Variants in APC observed in about 807,000 individuals in gnomAD.
APC encodes APC regulator of Wnt signaling pathway.
A neutral mutation model predicts 247.0 loss-of-function variants in APC; 72 were observed. The observed-to-expected ratio is 0.29, with a 90% confidence interval of 0.24 to 0.35. The LOEUF is 0.35. APC is among the 10% of genes least tolerant of loss of function. The pLI is 1.00. For missense variants in APC, 3,400 were observed against 3,360.7 expected, an observed-to-expected ratio of 1.01 and a Z score of -0.29; for synonymous variants, 1,254 against 1,162.5, an observed-to-expected ratio of 1.08 and a Z score of -1.60.
rs1193656466 is a variant in APC at position 112,840,001 on chromosome 5, A to T, written c.4407A>T (p.Gln1469His). ...AAAAGAGAGAGAGTGGACCTAAGCA[A>T]GCTGCAGTAAATGCTGCAGTTCAGA... ...TAEKRESGPK[Q>H]AAVNAAVQRV... is the part of the protein sequence containing the mutation. The change falls in exon 16 of 16, where the codon CAA becomes CAT. Residue 1469 changes from glutamine (Q) to histidine (H), a missense_variant. Around this residue, in one of 9 missense-constraint regions of APC, gnomAD observed 1,788 missense variants for 1,649.5 expected, o/e 1.08. Coordinates refer to ENST00000257430, the MANE Select transcript of APC (RefSeq NM_000038.6). This position sits in a 1 kb window ranked among gnomAD's most constrained non-coding sequence, Gnocchi z 4.1. 2 of 1,614,150 alleles carry T rather than the reference A, an allele frequency of 1.2e-6. No homozygotes were observed. The highest frequency in any genetic ancestry group is 1.7e-6 in the Non-Finnish European group (2 of 1,180,032).
At chr5:112,754,070 A>G (rs1356149770) in intron 1 of APC, among the ~76,000 whole-genome samples, 3 of 152,152 alleles carry the variant, frequency 2.0e-5, no homozygotes, top group African/African-American at 7.2e-5. Flanking sequence ...CCCAGTCATA[A>G]TAACTGCCAG....
At chr5:112,771,117 C>T (rs2149801706) in intron 4 of APC, among the ~76,000 whole-genome samples, 1 of 151,920 alleles carries the variant, frequency 6.6e-6, no homozygotes, top group East Asian at 1.9e-4. Flanking sequence ...AGTAGTATGC[C>T]AGAATTAATT....
chr5:112,793,022 A>G (rs1263702867), intron 7 of APC, among the ~76,000 whole-genome samples: 1 of 152,128 alleles, frequency 6.6e-6, no homozygotes, highest in African/African-American at 2.4e-5. Context: ...GGGTTGACCC[A>G]TAAGGCAGCA....
chr5:112,833,134 T>C (rs1764478757), intron 14 of APC, among the ~76,000 whole-genome samples: 1 of 151,740 alleles, frequency 6.6e-6, no homozygotes, highest in South Asian at 2.1e-4. Flanking sequence ...CCGCCTCAGC[T>C]TCTCAAGTAG....
intron 9 of APC, among the ~76,000 whole-genome samples, chr5:112,818,052 C>G (rs1580523071): frequency 6.6e-6 from 1 of 152,336 alleles, no homozygotes; most frequent in East Asian, 1.9e-4. Flanking sequence ...TCCCTGGTCT[C>G]TCCCCACTAG....
chr5:112,789,502 T>C (rs1759336091), intron 6 of APC, among the ~76,000 whole-genome samples: 1 of 152,198 alleles, frequency 6.6e-6, no homozygotes. Context: ...CCTCAGTATT[T>C]AGTGAGATAC....
intron 1 of APC, chr5:112,738,534 C>T (rs1752601948): frequency 1.0e-6 from 1 of 976,040 alleles, no homozygotes; most frequent in Non-Finnish European, 1.2e-6. Flanking sequence ...TTTTGTAAAA[C>T]ATCTAAGTAA....
At chr5:112,736,549 T>C (rs1293712162), upstream of APC, among the ~76,000 whole-genome samples, 3 of 152,248 alleles carry the variant, frequency 2.0e-5, no homozygotes, top group South Asian at 4.1e-4. Context: ...GCCTCAAATA[T>C]GCTATTTAAT....
chr5:112,819,986 A>G (rs1188410567), intron 10 of APC, among the ~76,000 whole-genome samples: 1 of 152,130 alleles, frequency 6.6e-6, no homozygotes, highest in African/African-American at 2.4e-5. Context: ...AGCTGTAGAC[A>G]GTGGGCCTCA....
At position 112,834,130 on chromosome 5, in the gene APC, C is replaced by T. The variant is rs1250864791; in HGVS notation, c.1744-821C>T. ...ATTTTTTTTTTATTTTTTGTACAGACGGGATTTCACCATGTTGTCCAGGCT... is the reference window on the plus strand; with the variant it reads ...ATTTTTTTTTTATTTTTTGTACAGATGGGATTTCACCATGTTGTCCAGGCT... On this transcript the variant is annotated intron_variant, in intron 14 of 15. Transcript: ENST00000257430. Among the ~76,000 whole-genome samples, 7 of 151,308 alleles carry T rather than the reference C, an allele frequency of 4.6e-5. No individual in the cohort carries two copies. In the South Asian group the frequency reaches 6.2e-4, roughly 13 times the overall value.
At chr5:112,830,536 ATTCCACTTCTAAGTAT>A (rs1157735772) in intron 14 of APC, among the ~76,000 whole-genome samples, 3 of 152,226 alleles carry the variant, frequency 2.0e-5, no homozygotes, top group Admixed American at 2.0e-4. Context: ...TGACCCAACC[ATTCCACTTCTAAGTAT>A]TTACCCAAGA....
chr5:112,764,988 C>G (rs1347769291), intron 2 of APC, among the ~76,000 whole-genome samples: 1 of 152,192 alleles, frequency 6.6e-6, no homozygotes, highest in African/African-American at 2.4e-5. Context: ...AATACAGTCA[C>G]CTTCATGCCC....
Position 112,843,092 on chromosome 5 carries a change from C to G in APC, c.7498C>G (p.Gln2500Glu), listed in dbSNP as rs372535376. 1.2e-6 allele frequency: 2 copies of G among 1,614,060 alleles called. No individual in the cohort carries two copies. Among genetic ancestry groups the G allele is most frequent in the Non-Finnish European group, 1.7e-6 (2 of 1,179,932 alleles). The change falls in exon 16 of 16, where the codon CAG becomes GAG. Residue 2500 changes from glutamine (Q) to glutamate (E), a missense_variant. Gln to Glu is a conservative substitution (Grantham distance 29). Coordinates refer to ENST00000257430, the MANE Select transcript of APC (RefSeq NM_000038.6). This position sits in a 1 kb window ranked among gnomAD's most constrained non-coding sequence, Gnocchi z 4.8. Reference sequence around the variant, plus strand: ...GTCTCTATCCACACATTCGTCTGTTCAGGCTGGTGGATGGCGAAAACTCCC... The same window carrying G: ...GTCTCTATCCACACATTCGTCTGTTGAGGCTGGTGGATGGCGAAAACTCCC... ...DMSLSTHSSV[Q>E]AGGWRKLPPN...
intron 1 of APC, among the ~76,000 whole-genome samples, chr5:112,718,671 A>C (rs933279910): frequency 2.6e-5 from 4 of 152,216 alleles, no homozygotes; most frequent in African/African-American, 9.6e-5. Flanking sequence ...TGAGCTTCTT[A>C]TTCATTCCTC....
At position 112,838,386 on chromosome 5, in the gene APC, A is replaced by G. The variant is rs1554084461; in HGVS notation, c.2792A>G (p.His931Arg). ...AGAAGAAGCTCTGCTGCCCATACAC[A>G]TTCAAACACTTACAATTTCACTAAG... ...ALRRSSAAHT[H>R]SNTYNFTKSE... is the part of the protein sequence containing the mutation. Residue 931 changes from histidine (H) to arginine (R), a missense_variant, in exon 16 of 16, where the codon CAT becomes CGT. Around this residue, in one of 9 missense-constraint regions of APC, gnomAD observed 715 missense variants for 656.6 expected, o/e 1.09. Transcript: ENST00000257430. 2 of 1,614,214 alleles carry G rather than the reference A, an allele frequency of 1.2e-6. No homozygotes were observed. The highest frequency in any genetic ancestry group is 1.3e-5 in the African/African-American group (1 of 75,064).
chr5:112,713,368 T>TCACACAGTTA (rs113590354), intron 1 of APC, among the ~76,000 whole-genome samples: 6,916 of 152,162 alleles, frequency 0.045, 488 homozygotes, highest in African/African-American at 0.15. Context: ...CATCACATTC[T>TCACACAGTTA]CCAAAGACAG....
chr5:112,800,295 G>A (rs576444325), intron 7 of APC, among the ~76,000 whole-genome samples: 1 of 152,044 alleles, frequency 6.6e-6, no homozygotes, highest in Non-Finnish European at 1.5e-5. Context: ...TATTCTTGTG[G>A]ATTCCATTAA....
intron 1 of APC, among the ~76,000 whole-genome samples, chr5:112,717,329 A>G (rs555587087): frequency 2.9e-4 from 44 of 151,642 alleles, no homozygotes; most frequent in South Asian, 1.5e-3. Context: ...ATTCATTCTT[A>G]TTTTTTCTCT....
In APC at chr5:112,839,607, A is replaced by G. The variant is rs757693603; in HGVS notation, c.4013A>G (p.Gln1338Arg). The change falls in exon 16 of 16, where the codon CAG (glutamine) becomes CGG (arginine). Residue 1338 changes from glutamine (Q) to arginine (R), a missense_variant. Physicochemically the swap from Gln to Arg is conservative, Grantham distance 43. Transcript: ENST00000257430. The surrounding 1 kb of genome is among the most constrained non-coding windows in gnomAD (Gnocchi z 5.0). The part of the protein sequence containing the change: ...QHPRTKSSRL[Q>R]GSSLSSESAR... ...CCTAGAACCAAATCCAGCAGACTGCAGGGTTCTAGTTTATCTTCAGAATCA... is the reference window on the plus strand; with the variant it reads ...CCTAGAACCAAATCCAGCAGACTGCGGGGTTCTAGTTTATCTTCAGAATCA... 6 of 1,614,082 alleles carry G rather than the reference A, an allele frequency of 3.7e-6. No individual in the cohort carries two copies.
Sources: gnomAD v4.1 joint callset for allele counts (sites outside exome capture counted in the v4.1 genomes callset) on GRCh38, gnomAD v4.1.1 for gene constraint, gnomAD v4.1.1 regional missense constraint, Gnocchi (gnomAD v3.1) non-coding constraint, MANE v1.5 for transcripts, NCBI Gene and HGNC (gene_info 2026-07-23, HGNC 2026-07-21) for gene names.